The following ASAP2 variants were observed in gnomAD, a reference collection of about 807,000 sequenced individuals.
The protein encoded by ASAP2 is arf-GAP with SH3 domain, ANK repeat and PH domain-containing protein 2.
A neutral mutation model predicts 131.4 loss-of-function variants in ASAP2; 45 were observed. That is an observed-to-expected ratio of 0.34 (90% CI 0.27 to 0.44). The LOEUF is 0.44. Among genes scored for constraint, ASAP2 ranks in the 20% least tolerant of loss-of-function variants. ASAP2 has a pLI of 1.00. For synonymous variants in ASAP2, 510 were observed against 503.0 expected, an observed-to-expected ratio of 1.01 and a Z score of -0.19; for missense variants, 1,011 against 1,297.0, an observed-to-expected ratio of 0.78 and a Z score of 3.39.
chr2:9,352,246 C>CACACACACACAA (rs1423030634), intron 12 of ASAP2, among the ~76,000 whole-genome samples: 1 of 134,156 alleles, frequency 7.5e-6, no homozygotes, highest in African/African-American at 2.8e-5. Flanking sequence ...CACACACACA[C>CACACACACACAA]AAACACACAC....
chr2:9,357,177 A>T (rs892410041), intron 14 of ASAP2, among the ~76,000 whole-genome samples: 3 of 115,792 alleles, frequency 2.6e-5, no homozygotes, highest in Non-Finnish European at 4.7e-5. Context: ...TGGATCCATT[A>T]AAAAAAAAAA....
rs767875142 is a variant in ASAP2 at position 9,374,923 on chromosome 2, A to T, written c.1725A>T (p.Lys575Asn). ...AYADGVDLTE[K>N]IPLANGHEPD... Reference sequence around the variant, plus strand: ...CTGATGGTGTGGATCTTACGGAAAAAATCCCACTGGCCAACGGACATGTAA... The same window carrying T: ...CTGATGGTGTGGATCTTACGGAAAATATCCCACTGGCCAACGGACATGTAA... The change falls in exon 17 of 28, where the codon AAA becomes AAT. Residue 575 changes from lysine (K) to asparagine (N), a missense_variant. Physicochemically the swap from Lys to Asn is moderately conservative, Grantham distance 94. Transcript: ENST00000281419. 1.9e-5 allele frequency: 30 copies of T among 1,609,182 alleles called. No homozygotes were observed. Among genetic ancestry groups the T allele is most frequent in the Non-Finnish European group, 2.4e-5 (28 of 1,178,428 alleles).
At chr2:9,228,005 A>G (rs934295789) in intron 1 of ASAP2, among the ~76,000 whole-genome samples, 3 of 152,238 alleles carry the variant, frequency 2.0e-5, no homozygotes, top group African/African-American at 7.2e-5. Context: ...CTTATTTATA[A>G]TAACCAGATA....
intron 1 of ASAP2, among the ~76,000 whole-genome samples, chr2:9,248,852 C>A (rs1254145991): frequency 6.6e-6 from 1 of 152,152 alleles, no homozygotes; most frequent in Non-Finnish European, 1.5e-5. Context: ...GATGTCGACT[C>A]TGATGTGAGC....
At chr2:9,322,420 C>T (rs1427974959) in intron 5 of ASAP2, among the ~76,000 whole-genome samples, 3 of 152,126 alleles carry the variant, frequency 2.0e-5, no homozygotes, top group Admixed American at 2.0e-4. Context: ...TCATGGCAGC[C>T]CTTTCTGTTT....
chr2:9,216,235 G>A (rs1196222968), intron 1 of ASAP2, among the ~76,000 whole-genome samples: 1 of 151,780 alleles, frequency 6.6e-6, no homozygotes, highest in Non-Finnish European at 1.5e-5. Flanking sequence ...TGTTGCAAGA[G>A]TGTGTTGGGG....
intron 1 of ASAP2, among the ~76,000 whole-genome samples, chr2:9,254,496 G>A (rs1276639921): frequency 1.4e-5 from 2 of 144,042 alleles, no homozygotes; most frequent in African/African-American, 5.2e-5. Flanking sequence ...GGGATTACAG[G>A]CATGCACCAC....
At chr2:9,284,342 C>T (rs1215707272) in intron 2 of ASAP2, among the ~76,000 whole-genome samples, 2 of 152,160 alleles carry the variant, frequency 1.3e-5, no homozygotes, top group Non-Finnish European at 2.9e-5. Flanking sequence ...AATATTGCTC[C>T]TGATTGTTCT....
intron 1 of ASAP2, among the ~76,000 whole-genome samples, chr2:9,267,726 C>G (rs540948681): frequency 6.6e-6 from 1 of 151,758 alleles, no homozygotes; most frequent in Non-Finnish European, 1.5e-5. Flanking sequence ...GTGAAACCCC[C>G]GTCTCTACTA....
At chr2:9,359,903 A>G (rs904018166) in intron 15 of ASAP2, among the ~76,000 whole-genome samples, 1 of 152,248 alleles carries the variant, frequency 6.6e-6, no homozygotes, top group African/African-American at 2.4e-5. Context: ...TTAGTTACTT[A>G]CAGTTTAAAA....
intron 3 of ASAP2, among the ~76,000 whole-genome samples, chr2:9,298,588 C>T (rs530943455): frequency 3.3e-5 from 5 of 152,358 alleles, no homozygotes; most frequent in South Asian, 4.1e-4. Flanking sequence ...GTGGAGCCCT[C>T]GCCCTGCCTC....
intron 14 of ASAP2, 93 bp downstream of exon 14, chr2:9,356,438 C>T: frequency 7.2e-7 from 1 of 1,379,698 alleles, no homozygotes; most frequent in Middle Eastern, 2.1e-4. Context: ...ACTTTCATTT[C>T]AAACACGAAA....
In ASAP2 at chr2:9,404,900, C is replaced by T. The variant is rs1364954667; in HGVS notation, c.*1573C>T. 1 of 152,294 alleles carries T rather than the reference C, an allele frequency of 6.6e-6. No homozygotes were observed. Among genetic ancestry groups the T allele is most frequent in the Non-Finnish European group, 1.5e-5 (1 of 67,978 alleles). The allele number at this position is 152,294 out of a possible 1,614,324, so 9.4% of individuals were successfully genotyped here. On this transcript the variant is annotated 3_prime_UTR_variant, in exon 28 of 28. Transcript: ENST00000281419. ...TTTTTGTTTTTGTTTTTTTTTAAAG[C>T]ACTACATCTGTTTTCACTAATTGTT... is the stretch of plus-strand genomic sequence containing the variant.
At chr2:9,367,553 G>A (rs948752699) in intron 15 of ASAP2, among the ~76,000 whole-genome samples, 2 of 152,014 alleles carry the variant, frequency 1.3e-5, no homozygotes, top group African/African-American at 4.8e-5. Context: ...ATGAGCCCAG[G>A]AGTTCGAGAC....
At chr2:9,327,941 A>G (rs745635247) in intron 7 of ASAP2, 30 bp downstream of exon 7, 62 of 1,500,496 alleles carry the variant, frequency 4.1e-5, no homozygotes, top group Non-Finnish European at 5.2e-5. Flanking sequence ...GTTATCTTAA[A>G]TGTTTGTTCA....
At chr2:9,264,443 A>T (rs1475311706) in intron 1 of ASAP2, among the ~76,000 whole-genome samples, 4 of 152,010 alleles carry the variant, frequency 2.6e-5, no homozygotes, top group Admixed American at 6.5e-5. Context: ...TGTTCTCATT[A>T]TGAGTCCCCA....
chr2:9,284,857 TA>T (rs1476644443), intron 2 of ASAP2, among the ~76,000 whole-genome samples: 1 of 152,226 alleles, frequency 6.6e-6, no homozygotes, highest in Non-Finnish European at 1.5e-5. Context: ...ACAGGCCCTG[TA>T]TTCTATTCTT....
intron 15 of ASAP2, among the ~76,000 whole-genome samples, chr2:9,366,956 A>G (rs898011644): frequency 2.0e-5 from 3 of 151,892 alleles, no homozygotes; most frequent in African/African-American, 7.3e-5. Flanking sequence ...AGTTCCCTAC[A>G]AGAGATAGAC....
chr2:9,397,739 TATATA>T (rs1157226996), intron 24 of ASAP2, among the ~76,000 whole-genome samples: 34 of 91,720 alleles, frequency 3.7e-4, no homozygotes, highest in African/African-American at 2.3e-3. Context: ...TATATATATA[TATATA>T]TATATATTTT....
Sources: allele counts gnomAD v4.1 joint callset (sites outside exome capture counted in the v4.1 genomes callset), GRCh38; gene constraint gnomAD v4.1.1; transcripts MANE v1.5; gene names NCBI Gene and HGNC (gene_info 2026-07-23, HGNC 2026-07-21).